The following ERICH4 variants were observed in gnomAD, a reference collection of about 807,000 sequenced individuals.
The protein encoded by ERICH4 is glutamate rich 4, also known as glutamate-rich protein 4.
In ERICH4, 4 loss-of-function variants were observed where a neutral mutation model predicts 5.2. The observed-to-expected ratio is 0.77, with a 90% CI of 0.38 to 1.76. The LOEUF (loss-of-function observed/expected upper bound fraction) is 1.76, where lower values mean the gene tolerates loss of function less well. Ranked by LOEUF, ERICH4 falls within the 40% of genes most tolerant of loss-of-function variation. ERICH4 has a pLI of 0.04. For synonymous variants in ERICH4, 75 were observed against 68.7 expected, an observed-to-expected ratio of 1.09 and a Z score of -0.45; for missense variants, 164 against 159.8, an observed-to-expected ratio of 1.03 and a Z score of -0.14.
chr19:41,444,337 G>C lies in ERICH4; in HGVS notation c.*113G>C. ...GGAATCAAGTATACCCCTTTAGTAA[G>C]TGCTTTCTCTGAAGGTGCCTGCAAT... On this transcript the variant is annotated 3_prime_UTR_variant, in exon 2 of 2. Transcript: ENST00000378187. 16 of 1,171,368 alleles carry C rather than the reference G, an allele frequency of 1.4e-5. No homozygotes were observed. The highest frequency in any genetic ancestry group is 2.1e-5 in the Admixed American group (1 of 47,952). The allele number at this position is 1,171,368 out of a possible 1,614,324, so 72.6% of individuals were successfully genotyped here. A position where few individuals can be genotyped will look rare whatever the true frequency, so the allele number is the denominator to read the frequency against.
rs1300511481 is a variant in ERICH4 at position 41,443,217 on chromosome 19, G to A, written c.48G>A (p.Gly16=). ...ATCAGGCTGGACTGGTGCCTCCGGG[G>A]CTGGGCCCACCCCCCCAGGCCCTGA... The part of the protein sequence containing the change: ...QLNQAGLVPP[G]LGPPPQALRE... The change falls in exon 1 of 2, where the codon GGG becomes GGA. Residue 16 remains glycine (G), a synonymous_variant. Transcript: ENST00000378187. The A allele has an allele frequency of 6.8e-7, 1 of 1,480,006 alleles. No homozygotes were observed. Among genetic ancestry groups the A allele is most frequent in the East Asian group, 2.8e-5 (1 of 35,462 alleles). The allele number at this position is 1,480,006 out of a possible 1,614,324, so 91.7% of individuals were successfully genotyped here. A position where few individuals can be genotyped will look rare whatever the true frequency, so the allele number is the denominator to read the frequency against.
intron 1 of ERICH4, among the ~76,000 whole-genome samples, chr19:41,443,575 C>T (rs1376098942): frequency 1.3e-5 from 2 of 150,828 alleles, no homozygotes; most frequent in African/African-American, 4.9e-5. Context: ...AGACGGAGAG[C>T]AGGAACAGAG....
Position 41,444,161 on chromosome 19 carries a change from G to A in ERICH4, c.330G>A (p.Gln110=). ...EEEDQEPQRK[Q]EEEHLEACPA... is the part of the protein sequence containing the mutation. ...AGGATCAAGAGCCCCAGAGGAAGCAGGAGGAGGAACACCTGGAGGCCTGCC... is the reference window on the plus strand; with the variant it reads ...AGGATCAAGAGCCCCAGAGGAAGCAAGAGGAGGAACACCTGGAGGCCTGCC... The change falls in exon 2 of 2, where the codon CAG becomes CAA. Residue 110 remains glutamine (Q), a synonymous_variant. Transcript: ENST00000378187. 1.9e-6 allele frequency: 3 copies of A among 1,552,170 alleles called. No individual in the cohort carries two copies. Among genetic ancestry groups the A allele is most frequent in the Non-Finnish European group, 8.7e-7 (1 of 1,147,084 alleles).
At chr19:41,443,683 A>G (rs533171242) in intron 1 of ERICH4, among the ~76,000 whole-genome samples, 2 of 152,116 alleles carry the variant, frequency 1.3e-5, no homozygotes, top group South Asian at 2.1e-4. Context: ...ATGGCAACAC[A>G]TAAAGACAGA....
intron 1 of ERICH4, 38 bp from the exon 2 acceptor site, chr19:41,443,968 G>C: frequency 6.7e-7 from 1 of 1,502,236 alleles, no homozygotes; most frequent in Admixed American, 2.0e-5. Context: ...CTTGCTCTCT[G>C]GGGTGGCATC....
Position 41,443,297 on chromosome 19 carries a change from A to G in ERICH4, c.128A>G (p.Asp43Gly). 2 of 1,351,490 alleles carry G rather than the reference A, an allele frequency of 1.5e-6. No homozygotes were observed. Among genetic ancestry groups the G allele is most frequent in the Non-Finnish European group, 1.9e-6 (2 of 1,040,622 alleles). 83.7% of individuals were successfully genotyped at this position (1,351,490 alleles called of 1,614,324 possible). The change falls in exon 1 of 2, where the codon GAC (aspartate) becomes GGC (glycine). Residue 43 changes from aspartate (D) to glycine (G), a missense_variant. By Grantham distance (94) the Asp-to-Gly change is moderately conservative. Coordinates refer to ENST00000378187, the MANE Select transcript of ERICH4 (RefSeq NM_001130514.3). The part of the protein sequence containing the change: ...PGQTLRTAGA[D>G]TGGACDSLLW... ...CAGACCCTCAGGACTGCAGGGGCAG[A>G]CACTGGAGGTGCCTGCGATAGTCTG...
In ERICH4 at chr19:41,444,439, G is replaced by A. The variant is rs782497144; in HGVS notation, c.*215G>A. On this transcript the variant is annotated 3_prime_UTR_variant, in exon 2 of 2. Coordinates refer to ENST00000378187, the MANE Select transcript of ERICH4 (RefSeq NM_001130514.3). ...GGATGTGTTTGGAGGTGATGTGGGA[G>A]GTTGTAGAGAAGTTGCAGGTGCTTT... The A allele has an allele frequency of 2.3e-5, 14 of 604,212 alleles. No homozygotes were observed. The highest frequency in any genetic ancestry group is 5.9e-5 in the Admixed American group (2 of 33,772). 37.4% of individuals were successfully genotyped at this position (604,212 alleles called of 1,614,324 possible).
chr19:41,443,955 C>A lies in ERICH4; in HGVS notation c.175-51C>A, dbSNP rs1363639703. ...TGCTCTCACCCAGGTCCTGGAGAGACCCCTTGCTCTCTGGGGTGGCATCCC... is the reference window on the plus strand; with the variant it reads ...TGCTCTCACCCAGGTCCTGGAGAGAACCCTTGCTCTCTGGGGTGGCATCCC... On this transcript the variant is annotated intron_variant, in intron 1 of 1. Transcript: ENST00000378187. The A allele has an allele frequency of 9.0e-6, 13 of 1,441,614 alleles. No homozygotes were observed. In the African/African-American group the frequency reaches 1.3e-4, roughly 14 times the overall value. The allele number at this position is 1,441,614 out of a possible 1,614,324, so 89.3% of individuals were successfully genotyped here.
Position 41,444,501 on chromosome 19 carries a change from T to A in ERICH4, c.*277T>A, listed in dbSNP as rs2040150641. On this transcript the variant is annotated 3_prime_UTR_variant, in exon 2 of 2. Coordinates refer to ENST00000378187, the MANE Select transcript of ERICH4 (RefSeq NM_001130514.3). ...CTCAGGTGTGCTGCTGAGATGGGGA[T>A]CTCTGCAAATATGCTGGTGATGCAT... 2 of 505,890 alleles carry A rather than the reference T, an allele frequency of 4.0e-6. No homozygotes were observed. The highest frequency in any genetic ancestry group is 6.7e-5 in the Admixed American group (2 of 29,634). 31.3% of individuals were successfully genotyped at this position (505,890 alleles called of 1,614,324 possible). A position where few individuals can be genotyped will look rare whatever the true frequency, so the allele number is the denominator to read the frequency against.
In ERICH4 at chr19:41,444,500, A is replaced by C. The variant is rs896182658; in HGVS notation, c.*276A>C. On this transcript the variant is annotated 3_prime_UTR_variant, in exon 2 of 2. Coordinates refer to ENST00000378187, the MANE Select transcript of ERICH4 (RefSeq NM_001130514.3). ...CCTCAGGTGTGCTGCTGAGATGGGGATCTCTGCAAATATGCTGGTGATGCA... is the reference window on the plus strand; with the variant it reads ...CCTCAGGTGTGCTGCTGAGATGGGGCTCTCTGCAAATATGCTGGTGATGCA... 4.9e-5 allele frequency: 25 copies of C among 505,622 alleles called. No individual in the cohort carries two copies. Among genetic ancestry groups the C allele is most frequent in the Non-Finnish European group, 7.6e-5 (21 of 277,826 alleles). The allele number at this position is 505,622 out of a possible 1,614,324, so 31.3% of individuals were successfully genotyped here. A position where few individuals can be genotyped will look rare whatever the true frequency, so the allele number is the denominator to read the frequency against.
rs1326268089 is a variant in ERICH4 at position 41,443,306 on chromosome 19, G to T, written c.137G>T (p.Gly46Val). ...AGGACTGCAGGGGCAGACACTGGAG[G>T]TGCCTGCGATAGTCTGCTGTGGATC... ...TLRTAGADTG[G>V]ACDSLLWIRE... Residue 46 changes from glycine (G) to valine (V), a missense_variant, in exon 1 of 2, where the codon GGT becomes GTT. Gly to Val is a moderately radical substitution (Grantham distance 109). Transcript: ENST00000378187. 12 of 1,334,592 alleles carry T rather than the reference G, an allele frequency of 9.0e-6. No homozygotes were observed. The highest frequency in any genetic ancestry group is 3.6e-5 in the Admixed American group (1 of 27,596). The allele number at this position is 1,334,592 out of a possible 1,614,324, so 82.7% of individuals were successfully genotyped here.
chr19:41,443,857 G>C (rs2040140253), intron 1 of ERICH4, 149 bp from the exon 2 acceptor site: 3 of 605,924 alleles, frequency 5.0e-6, no homozygotes, highest in Non-Finnish European at 8.8e-6. Flanking sequence ...CTGAGAAGCA[G>C]GAAGGCAGTT....
chr19:41,443,541 G>T (rs573945895), intron 1 of ERICH4, among the ~76,000 whole-genome samples, 198 bp downstream of exon 1: 1 of 152,026 alleles, frequency 6.6e-6, no homozygotes, highest in South Asian at 2.1e-4. Flanking sequence ...GATCCCAAAA[G>T]AGAGGGACAG....
In ERICH4 at chr19:41,444,159, C is replaced by A; in HGVS notation, c.328C>A (p.Gln110Lys). 1 of 1,552,070 alleles carries A rather than the reference C, an allele frequency of 6.4e-7. No homozygotes were observed. Among genetic ancestry groups the A allele is most frequent in the Non-Finnish European group, 8.7e-7 (1 of 1,147,012 alleles). The stretch of plus-strand genomic sequence containing the variant: ...GGAGGATCAAGAGCCCCAGAGGAAG[C>A]AGGAGGAGGAACACCTGGAGGCCTG... Reference protein sequence around the residue: ...EEEDQEPQRKQEEEHLEACPA... With the variant: ...EEEDQEPQRKKEEEHLEACPA... The change falls in exon 2 of 2, where the codon CAG becomes AAG. Residue 110 changes from glutamine (Q) to lysine (K), a missense_variant. Coordinates refer to ENST00000378187, the MANE Select transcript of ERICH4 (RefSeq NM_001130514.3).
At position 41,444,079 on chromosome 19, in the gene ERICH4, G is replaced by T. The variant is rs375945214; in HGVS notation, c.248G>T (p.Arg83Leu). Residue 83 changes from arginine to leucine, a missense_variant, in exon 2 of 2, where the codon CGG becomes CTG. Arg to Leu is a moderately radical substitution (Grantham distance 102). Coordinates refer to ENST00000378187, the MANE Select transcript of ERICH4 (RefSeq NM_001130514.3). ...CTGGGGCTGGAGATGGGGGCGCTGCGGGAGGAACTGGTCACCATATTGGAG... is the reference window on the plus strand; with the variant it reads ...CTGGGGCTGGAGATGGGGGCGCTGCTGGAGGAACTGGTCACCATATTGGAG... ...CSLGLEMGAL[R>L]EELVTILEEE... is the part of the protein sequence containing the mutation. The T allele has an allele frequency of 6.4e-7, 1 of 1,551,620 alleles. No individual in the cohort carries two copies. The highest frequency in any genetic ancestry group is 8.7e-7 in the Non-Finnish European group (1 of 1,146,972).
At chr19:41,443,917 A>C in intron 1 of ERICH4, 89 bp from the exon 2 acceptor site, 1 of 981,864 alleles carries the variant, frequency 1.0e-6, no homozygotes, top group Non-Finnish European at 1.5e-6. Context: ...TGGCCAGGAC[A>C]TGAGTTGGGA....
Position 41,443,300 on chromosome 19 carries a change from C to G in ERICH4, c.131C>G (p.Thr44Ser), listed in dbSNP as rs782539389. 59 of 1,336,014 alleles carry G rather than the reference C, an allele frequency of 4.4e-5. No individual in the cohort carries two copies. Among genetic ancestry groups the G allele is most frequent in the Non-Finnish European group, 5.7e-5 (59 of 1,032,318 alleles). The allele number at this position is 1,336,014 out of a possible 1,614,324, so 82.8% of individuals were successfully genotyped here. A position where few individuals can be genotyped will look rare whatever the true frequency, so the allele number is the denominator to read the frequency against. ...GQTLRTAGADTGGACDSLLWI... is the reference protein window; with the variant it reads ...GQTLRTAGADSGGACDSLLWI... The stretch of plus-strand genomic sequence containing the variant: ...ACCCTCAGGACTGCAGGGGCAGACA[C>G]TGGAGGTGCCTGCGATAGTCTGCTG... The change falls in exon 1 of 2, where the codon ACT (threonine) becomes AGT (serine). Residue 44 changes from threonine to serine, a missense_variant. Coordinates refer to ENST00000378187, the MANE Select transcript of ERICH4 (RefSeq NM_001130514.3).
rs2040153857 is a variant in ERICH4, at chr19:41,444,750, A to C, written c.*526A>C. ...TTTTGAGCATATCAGTATTAGTAAA[A>C]ATATTACTAAAATTATTTTCACCTG... On this transcript the variant is annotated 3_prime_UTR_variant, in exon 2 of 2. Coordinates refer to ENST00000378187, the MANE Select transcript of ERICH4 (RefSeq NM_001130514.3). 1 of 156,102 alleles carries C rather than the reference A, an allele frequency of 6.4e-6. No individual in the cohort carries two copies. The highest frequency in any genetic ancestry group is 2.4e-5 in the African/African-American group (1 of 41,450). The allele number at this position is 156,102 out of a possible 1,614,324, so 9.7% of individuals were successfully genotyped here.
At position 41,444,079 on chromosome 19, in the gene ERICH4, G is replaced by A. The variant is rs375945214; in HGVS notation, c.248G>A (p.Arg83Gln). 6.9e-5 allele frequency: 107 copies of A among 1,551,620 alleles called. No homozygotes were observed. In the African/African-American group the frequency reaches 7.2e-4, roughly 11 times the overall value. Residue 83 changes from arginine to glutamine, a missense_variant, in exon 2 of 2, where the codon CGG becomes CAG. Transcript: ENST00000378187. ...CSLGLEMGAL[R>Q]EELVTILEEE... ...CTGGGGCTGGAGATGGGGGCGCTGC[G>A]GGAGGAACTGGTCACCATATTGGAG...
Sources: allele counts gnomAD v4.1 joint callset (sites outside exome capture counted in the v4.1 genomes callset), GRCh38; gene constraint gnomAD v4.1.1; transcripts MANE v1.5; gene names NCBI Gene and HGNC (gene_info 2026-07-23, HGNC 2026-07-21).